Variants in OTOGL observed in about 807,000 individuals in gnomAD.
OTOGL encodes the protein otogelin-like protein.
Under a neutral mutation model 318.5 loss-of-function variants are expected in OTOGL, and 285 were observed. The ratio of observed to expected loss-of-function variants is 0.89; its 90% CI spans 0.81 to 0.99. The LOEUF (loss-of-function observed/expected upper bound fraction) is 0.99, where lower values mean the gene tolerates loss of function less well. Ranked by LOEUF, OTOGL falls within the 50% of genes least tolerant of loss-of-function variation. OTOGL has a pLI of 0.00. For synonymous variants in OTOGL, 987 were observed against 936.5 expected, an observed-to-expected ratio of 1.05 and a Z score of -0.99; for missense variants, 2,899 against 2,845.6, an observed-to-expected ratio of 1.02 and a Z score of -0.43.
At chr12:80,146,488 A>G (rs1023106007) in intron 1 of OTOGL, among the ~76,000 whole-genome samples, 2 of 151,848 alleles carry the variant, frequency 1.3e-5, no homozygotes, top group African/African-American at 4.9e-5. Flanking sequence ...TTTTGCATCA[A>G]TATTCATCAA....
At chr12:80,359,363 G>A (rs535321839) in intron 52 of OTOGL, among the ~76,000 whole-genome samples, 56 of 152,084 alleles carry the variant, frequency 3.7e-4, no homozygotes, top group Non-Finnish European at 7.1e-4. Context: ...GAAATAACTA[G>A]GATAACTCTG....
chr12:80,211,879 C>T, intron 3 of OTOGL, 70 bp from the exon 4 acceptor site: 5 of 1,264,984 alleles, frequency 4.0e-6, no homozygotes, highest in Non-Finnish European at 5.5e-6. Flanking sequence ...CACCAGCTCT[C>T]TCTTGGGAAA....
At chr12:80,186,592 AG>A (rs1168140807) in intron 1 of OTOGL, among the ~76,000 whole-genome samples, 8 of 152,160 alleles carry the variant, frequency 5.3e-5, no homozygotes, top group Non-Finnish European at 8.8e-5. Flanking sequence ...CTAATCGTCA[AG>A]GGACCCTCAC....
chr12:80,283,420 G>A (rs1048936252), intron 26 of OTOGL, among the ~76,000 whole-genome samples: 5 of 151,824 alleles, frequency 3.3e-5, no homozygotes, highest in African/African-American at 4.8e-5. Flanking sequence ...AAAGTCATGT[G>A]TTCAGCTCAC....
Position 80,247,354 on chromosome 12 carries a change from G to T in OTOGL, c.1053-4339G>T, listed in dbSNP as rs1369482713. Among the ~76,000 whole-genome samples the T allele has an allele frequency of 1.0e-3, 141 of 137,724 alleles. 4 individuals carry two copies. The highest frequency in any genetic ancestry group is 4.3e-3 in the African/African-American group (139 of 32,368). 90.4% of individuals were successfully genotyped at this position (137,724 alleles called of 152,430 possible). On this transcript the variant is annotated intron_variant, in intron 11 of 58. Transcript: ENST00000547103. ...CTTTGAATGCGTCCCAGAGATTCTG[G>T]TATGTTGTGTCTTTGTTCTCGTTGG...
At chr12:80,330,716 T>C (rs1471588900) in intron 37 of OTOGL, among the ~76,000 whole-genome samples, 1 of 152,228 alleles carries the variant, frequency 6.6e-6, no homozygotes, top group Non-Finnish European at 1.5e-5. Context: ...GCAGATGTCA[T>C]GATCTTAGGT....
intron 1 of OTOGL, among the ~76,000 whole-genome samples, chr12:80,159,033 T>C (rs1873317430): frequency 6.6e-6 from 1 of 152,178 alleles, no homozygotes; most frequent in Non-Finnish European, 1.5e-5. Flanking sequence ...CTGAGGGTTT[T>C]AATCATAAAG....
intron 35 of OTOGL, among the ~76,000 whole-genome samples, chr12:80,327,608 C>T (rs1427837704): frequency 2.0e-5 from 3 of 151,542 alleles, no homozygotes; most frequent in African/African-American, 7.3e-5. Flanking sequence ...CAAACACCGT[C>T]AAGGCAATGA....
Position 80,377,182 on chromosome 12 carries a change from G to C in OTOGL, c.6841G>C (p.Asp2281His). ...CATTAAATCGGTCATAAGGAAACAG[G>C]ACTGTATGAGCCAAAGCCCTGTAAG... ...VIIKSVIRKQ[D>H]CMSQSPINVA... Residue 2281 changes from aspartate (D) to histidine (H), a missense_variant, in exon 58 of 59, where the codon GAC (aspartate) becomes CAC (histidine). This residue lies in a region of OTOGL where 289 missense variants were observed against 304.6 expected (regional missense o/e 0.95). Coordinates refer to ENST00000547103, the MANE Select transcript of OTOGL (RefSeq NM_001378609.3). 6.2e-7 allele frequency: 1 copy of C among 1,607,830 alleles called. No individual in the cohort carries two copies. Among genetic ancestry groups the C allele is most frequent in the Non-Finnish European group, 8.5e-7 (1 of 1,176,188 alleles).
At chr12:80,353,815 T>C (rs1196558278) in intron 46 of OTOGL, among the ~76,000 whole-genome samples, 1 of 152,204 alleles carries the variant, frequency 6.6e-6, no homozygotes, top group Non-Finnish European at 1.5e-5. Flanking sequence ...CATGTATTAG[T>C]TGTTCATTTT....
rs150045528 is a variant in OTOGL at position 80,101,180 on chromosome 12, T to C, written c.-20+1575T>C. On this transcript the variant is annotated intron_variant, in intron 1 of 58. Coordinates refer to ENST00000547103, the MANE Select transcript of OTOGL (RefSeq NM_001378609.3). ...TTCCTGCAGAATCTCTTGCTTTTTC[T>C]CTTTAACAAATCCTGCTTGCTCCTC... Among the ~76,000 whole-genome samples, 623 of 152,330 alleles carry C rather than the reference T, an allele frequency of 4.1e-3. 4 individuals are homozygous for C. The highest frequency in any genetic ancestry group is 0.014 in the African/African-American group (600 of 41,572).
intron 1 of OTOGL, among the ~76,000 whole-genome samples, chr12:80,169,955 G>A (rs1053995515): frequency 6.6e-6 from 1 of 152,118 alleles, no homozygotes; most frequent in African/African-American, 2.4e-5. Flanking sequence ...TATGAATAAT[G>A]CTACTATCAA....
At position 80,336,512 on chromosome 12, in the gene OTOGL, G is replaced by T. The variant is rs763246529; in HGVS notation, c.4700G>T (p.Gly1567Val). Residue 1567 changes from glycine (G) to valine (V), a missense_variant, in exon 40 of 59, where the codon GGT (glycine) becomes GTT (valine). Physicochemically the swap from Gly to Val is moderately radical, Grantham distance 109. Transcript: ENST00000547103. ...MASYILVRIP[G>V]EIIVAHIEKC... The stretch of plus-strand genomic sequence containing the variant: ...TCTTATATCTTAGTAAGAATTCCTG[G>T]TGAAATTATAGTTGCTCATATCGAA... The T allele has an allele frequency of 6.2e-7, 1 of 1,609,782 alleles. No individual in the cohort carries two copies. The highest frequency in any genetic ancestry group is 1.1e-5 in the South Asian group (1 of 90,666).
Position 80,262,081 on chromosome 12 carries a change from A to C in OTOGL, c.2002A>C (p.Asn668His), listed in dbSNP as rs575237232. The change falls in exon 19 of 59, where the codon AAT (asparagine) becomes CAT (histidine). Residue 668 changes from asparagine (N) to histidine (H), a missense_variant. By Grantham distance (68) the Asn-to-His change is moderately conservative. Transcript: ENST00000547103. ...CCCAGTGGTGGACCCCTGTAACATCAATCAACAAAACAGTAAGTTTTGCAT... is the reference window on the plus strand; with the variant it reads ...CCCAGTGGTGGACCCCTGTAACATCCATCAACAAAACAGTAAGTTTTGCAT... ...HVPVVDPCNI[N>H]QQNIGYAAHC... The C allele has an allele frequency of 8.1e-4, 1,297 of 1,607,922 alleles. 14 individuals are homozygous for C. In the South Asian group the frequency reaches 0.013, roughly 16 times the overall value.
intron 35 of OTOGL, among the ~76,000 whole-genome samples, chr12:80,326,239 T>C (rs926047548): frequency 6.6e-6 from 1 of 152,096 alleles, no homozygotes; most frequent in Non-Finnish European, 1.5e-5. Flanking sequence ...AGCAAGTGTT[T>C]AGATAAAAAT....
intron 26 of OTOGL, among the ~76,000 whole-genome samples, chr12:80,283,082 C>A (rs1372288438): frequency 6.6e-6 from 1 of 151,950 alleles, no homozygotes; most frequent in Non-Finnish European, 1.5e-5. Context: ...TGTTCATCCA[C>A]TTCTAAAATC....
Position 80,267,270 on chromosome 12 carries a change from A to G in OTOGL, c.2408A>G (p.His803Arg), listed in dbSNP as rs760092056. 3 of 1,560,144 alleles carry G rather than the reference A, an allele frequency of 1.9e-6. No individual in the cohort carries two copies. The highest frequency in any genetic ancestry group is 2.3e-5 in the East Asian group (1 of 43,698). ...FCVPIFHCRC[H>R]YRGSVYQPGE... ...TCGTATAGATTCCACTGCCGTTGTCATTATAGGGGCAGTGTTTATCAACCT... is the reference window on the plus strand; with the variant it reads ...TCGTATAGATTCCACTGCCGTTGTCGTTATAGGGGCAGTGTTTATCAACCT... Residue 803 changes from histidine to arginine, a missense_variant, in exon 22 of 59, where the codon CAT becomes CGT. Physicochemically the swap from His to Arg is conservative, Grantham distance 29. Around this residue, in one of 3 missense-constraint regions of OTOGL, gnomAD observed 2,607 missense variants for 2,524.9 expected, o/e 1.03. Coordinates refer to ENST00000547103, the MANE Select transcript of OTOGL (RefSeq NM_001378609.3).
At position 80,341,992 on chromosome 12, in the gene OTOGL, G is replaced by A. The variant is rs563989349; in HGVS notation, c.5095G>A (p.Gly1699Ser). 191 of 1,608,816 alleles carry A rather than the reference G, an allele frequency of 1.2e-4. 1 individual carries two copies. The South Asian group carries it at 2.0e-3, about 17-fold the overall frequency. Residue 1699 changes from glycine to serine, a missense_variant, in exon 44 of 59, where the codon GGC (glycine) becomes AGC (serine). Gly to Ser is a moderately conservative substitution (Grantham distance 56). This residue lies in a region of OTOGL where 2,607 missense variants were observed against 2,524.9 expected (regional missense o/e 1.03). Transcript: ENST00000547103. Reference protein sequence around the residue: ...DPDDDLRMQNGTIITNMEDIG... With the variant: ...DPDDDLRMQNSTIITNMEDIG... ...GGATGATGATCTAAGGATGCAAAAT[G>A]GCACAATTATTACAAATATGGAAGA...
Position 80,336,109 on chromosome 12 carries a change from T to G in OTOGL, c.4569T>G (p.Ser1523Arg). 6.3e-7 allele frequency: 1 copy of G among 1,598,458 alleles called. No homozygotes were observed. Among genetic ancestry groups the G allele is most frequent in the Non-Finnish European group, 8.5e-7 (1 of 1,179,320 alleles). Residue 1523 changes from serine (S) to arginine (R), a missense_variant, in exon 39 of 59, where the codon AGT (serine) becomes AGG (arginine). Ser to Arg is a moderately radical substitution (Grantham distance 110). Coordinates refer to ENST00000547103, the MANE Select transcript of OTOGL (RefSeq NM_001378609.3). ...GAGGAAGGCCAGTTCAAGTGAACAG[T>G]GATATCTGCTGCCCTGAGTGGGAAT... ...GFRGRPVQVN[S>R]DICCPEWECP...
Sources: gnomAD v4.1 joint callset for allele counts (sites outside exome capture counted in the v4.1 genomes callset) on GRCh38, gnomAD v4.1.1 for gene constraint, gnomAD v4.1.1 regional missense constraint, MANE v1.5 for transcripts, NCBI Gene and HGNC (gene_info 2026-07-23, HGNC 2026-07-21) for gene names.